The following HYCC2 variants were observed in gnomAD, a reference collection of about 807,000 sequenced individuals.
HYCC2 encodes hyccin PI4KA lipid kinase complex subunit 2.
chr2:201,067,007 T>C, the HYCC2 span: 94,525 of 343,566 alleles, frequency 0.28, 17,188 homozygotes, highest in African/African-American at 0.63. Context: ...AGACAACATA[T>C]TTGTGTTCAT....
chr2:200,978,140 T>C, the HYCC2 span: 1 of 152,208 alleles, frequency 6.6e-6, no homozygotes, highest in Non-Finnish European at 1.5e-5. Context: ...AGCTGTTGTA[T>C]ACATGAAACA....
At chr2:201,056,500 C>T in the HYCC2 span, among the ~76,000 whole-genome samples, 1 of 151,972 alleles carries the variant, frequency 6.6e-6, no homozygotes, top group African/African-American at 2.4e-5. Flanking sequence ...CATGAAGAAA[C>T]CCCATCTCTA....
the HYCC2 span, among the ~76,000 whole-genome samples, chr2:200,999,573 A>C: frequency 6.6e-6 from 1 of 151,340 alleles, no homozygotes; most frequent in Non-Finnish European, 1.5e-5. Context: ...TATTTTTAGT[A>C]GCGACAGGGT....
At chr2:201,034,210 T>A in the HYCC2 span, among the ~76,000 whole-genome samples, 1 of 152,134 alleles carries the variant, frequency 6.6e-6, no homozygotes, top group Non-Finnish European at 1.5e-5. Context: ...AGACAGTAAT[T>A]TATTAAGTAC....
chr2:201,033,151 GTGTGTGTA>G, the HYCC2 span, among the ~76,000 whole-genome samples: 163 of 129,376 alleles, frequency 1.3e-3, no homozygotes, highest in African/African-American at 2.4e-3. Context: ...CTATTTGTAT[GTGTGTGTA>G]TGTGTGTGTG....
the HYCC2 span, among the ~76,000 whole-genome samples, chr2:201,024,209 G>C: frequency 6.6e-6 from 1 of 152,126 alleles, no homozygotes; most frequent in Non-Finnish European, 1.5e-5. Flanking sequence ...AGTAAGTTCT[G>C]GCTGGGCGTG....
At chr2:200,981,174 T>C in the HYCC2 span, 1 of 1,398,162 alleles carries the variant, frequency 7.2e-7, no homozygotes, top group South Asian at 1.3e-5. The surrounding 1 kb of genome is among the most constrained non-coding windows in gnomAD (Gnocchi z 4.5). Context: ...CTGATAACAG[T>C]GACCAATATT....
At chr2:201,016,848 C>A in the HYCC2 span, 1 of 726,348 alleles carries the variant, frequency 1.4e-6, no homozygotes, top group South Asian at 1.8e-5. Flanking sequence ...GATATGCCTG[C>A]CTTGGCCTCC....
At chr2:201,048,249 A>G in the HYCC2 span, among the ~76,000 whole-genome samples, 12 of 152,300 alleles carry the variant, frequency 7.9e-5, no homozygotes, top group Non-Finnish European at 1.6e-4. Context: ...TTATATACAT[A>G]TATCAAACAA....
At chr2:201,070,443 C>T in the HYCC2 span, among the ~76,000 whole-genome samples, 2 of 151,920 alleles carry the variant, frequency 1.3e-5, no homozygotes, top group South Asian at 2.1e-4. Flanking sequence ...ATCTGACGTC[C>T]GGAGTTCGAG....
the HYCC2 span, among the ~76,000 whole-genome samples, chr2:201,010,495 T>C: frequency 6.6e-6 from 1 of 152,200 alleles, no homozygotes; most frequent in Admixed American, 6.5e-5. Flanking sequence ...AGACAGAAAG[T>C]AGAAGAAGTT....
chr2:201,016,967 C>T, the HYCC2 span: 2 of 1,601,856 alleles, frequency 1.2e-6, no homozygotes, highest in South Asian at 1.1e-5. Flanking sequence ...CTTAAAATTT[C>T]CCAAACTGTC....
the HYCC2 span, among the ~76,000 whole-genome samples, chr2:201,054,329 T>C: frequency 1.3e-5 from 2 of 152,204 alleles, no homozygotes; most frequent in Non-Finnish European, 2.9e-5. Flanking sequence ...TATCATCTCA[T>C]TGCAATAAAC....
chr2:201,041,254 G>GT, the HYCC2 span, among the ~76,000 whole-genome samples: 17 of 152,290 alleles, frequency 1.1e-4, no homozygotes, highest in African/African-American at 4.1e-4. Context: ...AGGTAACACA[G>GT]TTTAAGTGGC....
chr2:200,992,705 G>A, the HYCC2 span, among the ~76,000 whole-genome samples: 3 of 152,096 alleles, frequency 2.0e-5, no homozygotes, highest in African/African-American at 7.2e-5. Flanking sequence ...CAATTTTAAT[G>A]ACTAGTTATG....
At chr2:201,055,336 C>T in the HYCC2 span, among the ~76,000 whole-genome samples, 1 of 149,338 alleles carries the variant, frequency 6.7e-6, no homozygotes, top group Non-Finnish European at 1.5e-5. Flanking sequence ...GAGCCGAGAT[C>T]GCACCATTGC....
the HYCC2 span, among the ~76,000 whole-genome samples, chr2:200,993,608 A>G: frequency 1.2e-4 from 18 of 152,136 alleles, no homozygotes; most frequent in Non-Finnish European, 2.6e-4. Context: ...TTAGTGCCTT[A>G]TGGTCTTGGG....
chr2:200,981,285 T>C, the HYCC2 span: 4 of 1,613,554 alleles, frequency 2.5e-6, no homozygotes, highest in African/African-American at 1.3e-5. The surrounding 1 kb of genome is among the most constrained non-coding windows in gnomAD (Gnocchi z 4.5). Context: ...CCTGGGATAT[T>C]AGCTGCATAT....
chr2:200,987,501 C>T, the HYCC2 span: 44 of 1,289,654 alleles, frequency 3.4e-5, no homozygotes, highest in Admixed American at 4.6e-5. Context: ...CAGGAATACT[C>T]GAGTCAGCCT....
Sources: gnomAD v4.1 joint callset for allele counts (sites outside exome capture counted in the v4.1 genomes callset) on GRCh38, gnomAD v4.1.1 for gene constraint, Gnocchi (gnomAD v3.1) non-coding constraint, MANE v1.5 for transcripts, NCBI Gene and HGNC (gene_info 2026-07-23, HGNC 2026-07-21) for gene names.